The following AUTS2 variants were observed in gnomAD, a reference collection of about 807,000 sequenced individuals.
AUTS2 encodes autism susceptibility gene 2 protein.
A neutral mutation model predicts 112.4 loss-of-function variants in AUTS2; 17 were observed. The observed-to-expected ratio is 0.15, with a 90% CI of 0.10 to 0.23. The LOEUF (loss-of-function observed/expected upper bound fraction) is 0.23. AUTS2 is among the 10% of genes least tolerant of loss of function. The pLI is 1.00. For synonymous variants in AUTS2, 751 were observed against 702.7 expected (o/e 1.07, Z -1.09); for missense variants, 1,510 against 1,701.6 (o/e 0.89, Z 1.98).
intron 5 of AUTS2, among the ~76,000 whole-genome samples, chr7:70,512,242 A>G (rs1299695645): frequency 6.6e-6 from 1 of 152,192 alleles, no homozygotes; most frequent in Non-Finnish European, 1.5e-5. Context: ...TGGCGCACAT[A>G]TCCATGTGAT....
intron 1 of AUTS2, among the ~76,000 whole-genome samples, chr7:69,617,128 A>G (rs1366355399): frequency 1.3e-5 from 2 of 152,130 alleles, no homozygotes; most frequent in Non-Finnish European, 1.5e-5. Context: ...CAAGAGTGAG[A>G]ACTTAGCACA....
At chr7:70,697,679 G>T (rs1015634803) in intron 5 of AUTS2, among the ~76,000 whole-genome samples, 8 of 151,608 alleles carry the variant, frequency 5.3e-5, no homozygotes, top group Non-Finnish European at 1.0e-4. Context: ...TTCTCATGAG[G>T]GTTATGTAGT....
chr7:70,085,431 T>C (rs1803547799), intron 2 of AUTS2, among the ~76,000 whole-genome samples: 1 of 151,938 alleles, frequency 6.6e-6, no homozygotes, highest in Non-Finnish European at 1.5e-5. Context: ...AGTGGCACGA[T>C]CTTGGCTCAC....
intron 1 of AUTS2, among the ~76,000 whole-genome samples, chr7:69,835,170 G>T (rs1193067206): frequency 6.6e-6 from 1 of 151,810 alleles, no homozygotes; most frequent in Non-Finnish European, 1.5e-5. Flanking sequence ...TAATTTCTAG[G>T]TTTGTTAAGG....
chr7:69,697,220 A>T (rs1013890793), intron 1 of AUTS2, among the ~76,000 whole-genome samples: 4 of 152,222 alleles, frequency 2.6e-5, no homozygotes, highest in African/African-American at 9.6e-5. Flanking sequence ...CCTTACTCTG[A>T]GAATCAGTTT....
rs917234393 is a variant in AUTS2, at chr7:70,791,570, A to ATTGT, written c.*576_*579dup. On this transcript the variant is annotated 3_prime_UTR_variant, in exon 19 of 19. Transcript: ENST00000342771. ...GTCGGCTAAAGCTGTGTTCCCATAT[A>ATTGT]TTGTTATAGACAGCTAAACCCTTCA... is the stretch of plus-strand genomic sequence containing the variant. 1 of 152,792 alleles carries ATTGT rather than the reference A, an allele frequency of 6.5e-6. No individual in the cohort carries two copies. The highest frequency in any genetic ancestry group is 2.4e-5 in the African/African-American group (1 of 41,588). The allele number at this position is 152,792 out of a possible 1,614,324, so 9.5% of individuals were successfully genotyped here.
At chr7:70,569,267 C>T (rs1449454062) in intron 5 of AUTS2, among the ~76,000 whole-genome samples, 1 of 152,182 alleles carries the variant, frequency 6.6e-6, no homozygotes, top group African/African-American at 2.4e-5. Flanking sequence ...GCCCTGAGGA[C>T]ATTATTAAGT....
chr7:70,534,922 A>AT (rs1318985440), intron 5 of AUTS2, among the ~76,000 whole-genome samples: 8 of 151,488 alleles, frequency 5.3e-5, no homozygotes, highest in Admixed American at 3.3e-4. Context: ...AAAAATGTAT[A>AT]TTTTTTTGTA....
At chr7:70,074,316 A>G (rs1802923990) in intron 2 of AUTS2, among the ~76,000 whole-genome samples, 1 of 152,024 alleles carries the variant, frequency 6.6e-6, no homozygotes. Context: ...GTTTTCCTTC[A>G]CTTTTCATTA....
At chr7:70,245,170 A>ATATATATATATAT (rs57817453) in intron 4 of AUTS2, among the ~76,000 whole-genome samples, 14 of 133,750 alleles carry the variant, frequency 1.0e-4, no homozygotes, top group African/African-American at 1.8e-4. Flanking sequence ...ATATATATAT[A>ATATATATATATAT]AAAAATAAAA....
In AUTS2 at chr7:70,769,306, T is replaced by C. The variant is rs1055275824; in HGVS notation, c.1734+1238T>C. ...GGACACCCAAAGCCCAGTAGACCTATGGGTTTCCTCTTTGGGTCTGGCCCA... is the reference window on the plus strand; with the variant it reads ...GGACACCCAAAGCCCAGTAGACCTACGGGTTTCCTCTTTGGGTCTGGCCCA... On this transcript the variant is annotated intron_variant, in intron 10 of 18. Transcript: ENST00000342771. Among the ~76,000 whole-genome samples the C allele has an allele frequency of 3.9e-5, 6 of 152,242 alleles. 1 individual carries two copies. The highest frequency in any genetic ancestry group is 2.1e-4 in the South Asian group (1 of 4,828).
At chr7:70,398,180 C>T (rs528640274) in intron 4 of AUTS2, among the ~76,000 whole-genome samples, 5 of 152,218 alleles carry the variant, frequency 3.3e-5, no homozygotes, top group Non-Finnish European at 7.3e-5. Context: ...GCCAATACCA[C>T]ATCATTTGGT....
chr7:70,535,083 C>T (rs1800263216), intron 5 of AUTS2, among the ~76,000 whole-genome samples: 1 of 149,936 alleles, frequency 6.7e-6, no homozygotes, highest in Admixed American at 6.6e-5. Flanking sequence ...GTTGTACACT[C>T]AAAGAAATTC....
intron 4 of AUTS2, among the ~76,000 whole-genome samples, chr7:70,268,506 T>C (rs1489105336): frequency 6.6e-6 from 1 of 152,222 alleles, no homozygotes; most frequent in Non-Finnish European, 1.5e-5. Flanking sequence ...CTCATAAATA[T>C]TTCAGCTGTA....
At chr7:70,066,341 T>C (rs899617474) in intron 2 of AUTS2, among the ~76,000 whole-genome samples, 2 of 152,138 alleles carry the variant, frequency 1.3e-5, no homozygotes, top group African/African-American at 4.8e-5. Flanking sequence ...TCTTTTTAAT[T>C]TTGGAGTTGA....
intron 10 of AUTS2, 105 bp downstream of exon 10, chr7:70,768,173 C>T: frequency 8.8e-7 from 1 of 1,132,514 alleles, no homozygotes; most frequent in Non-Finnish European, 1.3e-6. Context: ...ATCATCTTTG[C>T]AAGAGTTCCC....
At chr7:69,841,725 T>A (rs1791989672) in intron 1 of AUTS2, among the ~76,000 whole-genome samples, 1 of 152,212 alleles carries the variant, frequency 6.6e-6, no homozygotes, top group Admixed American at 6.5e-5. Flanking sequence ...AAATTCAGTG[T>A]ACAAATCTTG....
intron 4 of AUTS2, among the ~76,000 whole-genome samples, chr7:70,422,287 T>C (rs151079350): frequency 6.6e-6 from 1 of 152,340 alleles, no homozygotes; most frequent in African/African-American, 2.4e-5. Flanking sequence ...CATTATGTCT[T>C]AGCAATATGA....
intron 4 of AUTS2, among the ~76,000 whole-genome samples, chr7:70,355,124 G>GTATA (rs201170512): frequency 1.3e-5 from 2 of 150,790 alleles, no homozygotes; most frequent in African/African-American, 4.9e-5. Flanking sequence ...GTGTGTGTGT[G>GTATA]TATATATACG....
Sources: gnomAD v4.1 joint callset for allele counts (sites outside exome capture counted in the v4.1 genomes callset) on GRCh38, gnomAD v4.1.1 for gene constraint, MANE v1.5 for transcripts, NCBI Gene and HGNC (gene_info 2026-07-23, HGNC 2026-07-21) for gene names.